Variants in NYAP1 observed in about 807,000 individuals in gnomAD.
NYAP1 encodes the protein neuronal tyrosine phosphorylated phosphoinositide-3-kinase adaptor 1.
NYAP1 carries 20 observed loss-of-function variants against 58.6 expected under a neutral mutation model. The ratio of observed to expected loss-of-function variants is 0.34; its 90% confidence interval spans 0.24 to 0.50. NYAP1 has a LOEUF of 0.50. NYAP1 is among the 20% of genes least tolerant of loss of function. The probability of loss-of-function intolerance (pLI) is 0.98; values close to 1 mark genes in which losing one functional copy is unlikely to be tolerated. For missense variants in NYAP1, 1,150 were observed against 1,194.5 expected (o/e 0.96, Z 0.55); for synonymous variants, 572 against 523.1 (o/e 1.09, Z -1.27).
chr7:100,490,851 C>A lies in NYAP1; in HGVS notation c.2158+122C>A. On this transcript the variant is annotated intron_variant, in intron 5 of 6. Coordinates refer to ENST00000300179, the MANE Select transcript of NYAP1 (RefSeq NM_173564.4). The surrounding 1 kb of genome is among the most constrained non-coding windows in gnomAD (Gnocchi z 4.6). Reference sequence around the variant, plus strand: ...GTCTGTGCCCAGGGCCCTAAATCCTCATACCACATCTCCACCCCTTTTTCC... The same window carrying A: ...GTCTGTGCCCAGGGCCCTAAATCCTAATACCACATCTCCACCCCTTTTTCC... 9.2e-7 allele frequency: 1 copy of A among 1,088,672 alleles called. No individual in the cohort carries two copies. Among genetic ancestry groups the A allele is most frequent in the Non-Finnish European group, 1.3e-6 (1 of 765,236 alleles). The allele number at this position is 1,088,672 out of a possible 1,614,324, so 67.4% of individuals were successfully genotyped here.
Position 100,489,493 on chromosome 7 carries a change from A to T in NYAP1, c.1772A>T (p.Gln591Leu). The T allele has an allele frequency of 6.2e-7, 1 of 1,613,348 alleles. No homozygotes were observed. The highest frequency in any genetic ancestry group is 8.5e-7 in the Non-Finnish European group (1 of 1,179,966). The change falls in exon 4 of 7, where the codon CAG (glutamine) becomes CTG (leucine). Residue 591 changes from glutamine (Q) to leucine (L), a missense_variant. Coordinates refer to ENST00000300179, the MANE Select transcript of NYAP1 (RefSeq NM_173564.4). ...APSPMVKIQL[Q>L]EQGTDGGAFA... ...TCCCCCATGGTCAAGATCCAGCTGCAGGAGCAAGGGACCGATGGGGGTGCT... is the reference window on the plus strand; with the variant it reads ...TCCCCCATGGTCAAGATCCAGCTGCTGGAGCAAGGGACCGATGGGGGTGCT...
chr7:100,487,029 A>T lies in NYAP1; in HGVS notation c.277A>T (p.Ser93Cys), dbSNP rs1449811766. The stretch of plus-strand genomic sequence containing the variant: ...CTGCCACTCGGTGGGCAGCATGGAC[A>T]GTGTCGGGGGTGGCCCTGGCGGGGC... Reference protein sequence around the residue: ...LSCHSVGSMDSVGGGPGGASG... With the variant: ...LSCHSVGSMDCVGGGPGGASG... The change falls in exon 3 of 7, where the codon AGT becomes TGT. Residue 93 changes from serine to cysteine, a missense_variant. Physicochemically the swap from Ser to Cys is moderately radical, Grantham distance 112. Coordinates refer to ENST00000300179, the MANE Select transcript of NYAP1 (RefSeq NM_173564.4). This position sits in a 1 kb window ranked among gnomAD's most constrained non-coding sequence, Gnocchi z 4.1. 2 of 1,607,910 alleles carry T rather than the reference A, an allele frequency of 1.2e-6. No individual in the cohort carries two copies. Among genetic ancestry groups the T allele is most frequent in the Non-Finnish European group, 1.7e-6 (2 of 1,177,156 alleles).
chr7:100,492,166 G>A lies in NYAP1; in HGVS notation c.2268+1071G>A, dbSNP rs1382859904. On this transcript the variant is annotated intron_variant, in intron 6 of 6. Transcript: ENST00000300179. ...AGGCAGGAGAATTGCTTGAACCCGGGAGACGGAGGCTGCAGTGAGCCAAGA... is the reference window on the plus strand; with the variant it reads ...AGGCAGGAGAATTGCTTGAACCCGGAAGACGGAGGCTGCAGTGAGCCAAGA... Among the ~76,000 whole-genome samples the A allele has an allele frequency of 2.6e-5, 4 of 152,016 alleles. No individual in the cohort carries two copies. The South Asian group carries it at 8.3e-4, about 31-fold the overall frequency.
chr7:100,491,292 A>G (rs370221215), intron 6 of NYAP1, among the ~76,000 whole-genome samples, 197 bp downstream of exon 6: 1 of 151,658 alleles, frequency 6.6e-6, no homozygotes, highest in African/African-American at 2.4e-5. Context: ...CCCTGTCTCT[A>G]TTTTTTCTTT....
intron 6 of NYAP1, among the ~76,000 whole-genome samples, chr7:100,492,477 A>G (rs1013094675): frequency 1.3e-5 from 2 of 152,218 alleles, no homozygotes; most frequent in African/African-American, 4.8e-5. Flanking sequence ...TGTGCCTGCA[A>G]TCCCAGAACT....
chr7:100,488,315 G>A lies in NYAP1; in HGVS notation c.594G>A (p.Arg198=), dbSNP rs1448675307. Residue 198 remains arginine, a synonymous_variant, in exon 4 of 7, where the codon AGG becomes AGA. Transcript: ENST00000300179. This position sits in a 1 kb window ranked among gnomAD's most constrained non-coding sequence, Gnocchi z 5.9. ...ACCTGCCTCTTCAGCGCCTCACTAG[G>A]GGGTCCCGAGTAGCTGGGGACCCTG... ...GGNLPLQRLT[R]GSRVAGDPDV... is the part of the protein sequence containing the mutation. 4 of 1,612,344 alleles carry A rather than the reference G, an allele frequency of 2.5e-6. No homozygotes were observed. The highest frequency in any genetic ancestry group is 3.4e-6 in the Non-Finnish European group (4 of 1,179,450).
chr7:100,494,040 C>A lies in NYAP1; in HGVS notation c.*137C>A. 1.3e-6 allele frequency: 1 copy of A among 755,764 alleles called. No individual in the cohort carries two copies. The highest frequency in any genetic ancestry group is 2.0e-6 in the Non-Finnish European group (1 of 507,796). 46.8% of individuals were successfully genotyped at this position (755,764 alleles called of 1,614,324 possible). On this transcript the variant is annotated 3_prime_UTR_variant, in exon 7 of 7. Transcript: ENST00000300179. Reference sequence around the variant, plus strand: ...GGAGAACCCCTGCCCTCCAACCTACCCCCCGGGATGGGGAGAGTCTGCCAG... The same window carrying A: ...GGAGAACCCCTGCCCTCCAACCTACACCCCGGGATGGGGAGAGTCTGCCAG...
rs2131065375 is a variant in NYAP1, at chr7:100,486,881, G to A, written c.129G>A (p.Gly43=). ...SAGPAAGQGP[G]VRVRDIASLR... ...GGCCCGCGGCCGGCCAGGGGCCTGGGGTCCGCGTGCGGGACATCGCCTCGC... is the reference window on the plus strand; with the variant it reads ...GGCCCGCGGCCGGCCAGGGGCCTGGAGTCCGCGTGCGGGACATCGCCTCGC... The change falls in exon 3 of 7, where the codon GGG becomes GGA. Residue 43 remains glycine, a synonymous_variant. Coordinates refer to ENST00000300179, the MANE Select transcript of NYAP1 (RefSeq NM_173564.4). This position sits in a 1 kb window ranked among gnomAD's most constrained non-coding sequence, Gnocchi z 6.2. 1 of 1,559,536 alleles carries A rather than the reference G, an allele frequency of 6.4e-7. No homozygotes were observed. The highest frequency in any genetic ancestry group is 1.2e-5 in the South Asian group (1 of 85,754).
chr7:100,491,093 C>G lies in NYAP1; in HGVS notation c.2266C>G (p.Gln756Glu). 1 of 1,541,460 alleles carries G rather than the reference C, an allele frequency of 6.5e-7. No individual in the cohort carries two copies. The highest frequency in any genetic ancestry group is 8.8e-7 in the Non-Finnish European group (1 of 1,137,670). Residue 756 changes from glutamine to glutamate, a missense_variant and splice_region_variant, in exon 6 of 7, where the codon CAG becomes GAG. Gln to Glu is a conservative substitution (Grantham distance 29, BLOSUM62 2). Transcript: ENST00000300179. ...PCSQPRDALS[Q>E]PHPALPLPLP... ...CAGCCAGCCCAGGGATGCCCTGAGC[C>G]AGGTGAGGCTTGGTTTTTCTTTTAT...
In NYAP1 at chr7:100,485,510, T is replaced by C; in HGVS notation, c.68+131T>C. The C allele has an allele frequency of 1.4e-6, 1 of 699,058 alleles. No homozygotes were observed. Among genetic ancestry groups the C allele is most frequent in the Non-Finnish European group, 2.5e-6 (1 of 399,846 alleles). 43.3% of individuals were successfully genotyped at this position (699,058 alleles called of 1,614,324 possible). A position where few individuals can be genotyped will look rare whatever the true frequency, so the allele number is the denominator to read the frequency against. ...CTCTGATCTCAGAGTCAGTACGGAA[T>C]GGCCAGGATTGCACACACTGTCCTG... On this transcript the variant is annotated intron_variant, in intron 2 of 6. Coordinates refer to ENST00000300179, the MANE Select transcript of NYAP1 (RefSeq NM_173564.4). This position sits in a 1 kb window ranked among gnomAD's most constrained non-coding sequence, Gnocchi z 5.7.
Position 100,489,495 on chromosome 7 carries a change from G to A in NYAP1, c.1774G>A (p.Glu592Lys), listed in dbSNP as rs745788793. 1 of 1,613,404 alleles carries A rather than the reference G, an allele frequency of 6.2e-7. No individual in the cohort carries two copies. Residue 592 changes from glutamate (E) to lysine (K), a missense_variant, in exon 4 of 7, where the codon GAG becomes AAG. Coordinates refer to ENST00000300179, the MANE Select transcript of NYAP1 (RefSeq NM_173564.4). ...CCCCATGGTCAAGATCCAGCTGCAGGAGCAAGGGACCGATGGGGGTGCTTT... is the reference window on the plus strand; with the variant it reads ...CCCCATGGTCAAGATCCAGCTGCAGAAGCAAGGGACCGATGGGGGTGCTTT... Reference protein sequence around the residue: ...PSPMVKIQLQEQGTDGGAFAS... With the variant: ...PSPMVKIQLQKQGTDGGAFAS...
Position 100,488,951 on chromosome 7 carries a change from G to A in NYAP1, c.1230G>A (p.Leu410=). ...GGGCCCGGAGCCACTCGACACCGTT[G>A]CCACCCCAGGGCTCTGGCCAGCCCC... ...SGRARSHSTP[L]PPQGSGQPRG... Residue 410 remains leucine, a synonymous_variant, in exon 4 of 7, where the codon TTG becomes TTA. Coordinates refer to ENST00000300179, the MANE Select transcript of NYAP1 (RefSeq NM_173564.4). The surrounding 1 kb of genome is among the most constrained non-coding windows in gnomAD (Gnocchi z 5.9). 1 of 1,571,120 alleles carries A rather than the reference G, an allele frequency of 6.4e-7. No homozygotes were observed. The highest frequency in any genetic ancestry group is 1.9e-5 in the Admixed American group (1 of 52,982).
rs1799742177 is a variant in NYAP1, at chr7:100,488,711, C to A, written c.990C>A (p.Leu330=). 3 of 1,611,680 alleles carry A rather than the reference C, an allele frequency of 1.9e-6. No individual in the cohort carries two copies. The highest frequency in any genetic ancestry group is 2.5e-6 in the Non-Finnish European group (3 of 1,179,312). Residue 330 remains leucine (L), a synonymous_variant, in exon 4 of 7, where the codon CTC becomes CTA. Coordinates refer to ENST00000300179, the MANE Select transcript of NYAP1 (RefSeq NM_173564.4). This position sits in a 1 kb window ranked among gnomAD's most constrained non-coding sequence, Gnocchi z 5.9. Reference sequence around the variant, plus strand: ...AAATCCCCCCGCCCTTCCCCAACCTCCTTCAGCACCGGCCTCCACTCCTGG... The same window carrying A: ...AAATCCCCCCGCCCTTCCCCAACCTACTTCAGCACCGGCCTCCACTCCTGG... ...PCEIPPPFPN[L]LQHRPPLLAF...
rs1323598723 is a variant in NYAP1 at position 100,494,666 on chromosome 7, G to A, written c.*763G>A. ...GGATGGGCAGGATGATGGGGGAGGA[G>A]GAGGGAAATTTTAGCGGGTGGAGGG... On this transcript the variant is annotated 3_prime_UTR_variant, in exon 7 of 7. Coordinates refer to ENST00000300179, the MANE Select transcript of NYAP1 (RefSeq NM_173564.4). 14 of 129,120 alleles carry A rather than the reference G, an allele frequency of 1.1e-4. No individual in the cohort carries two copies. Among genetic ancestry groups the A allele is most frequent in the Non-Finnish European group, 1.6e-5 (1 of 62,802 alleles). The allele number at this position is 129,120 out of a possible 1,614,324, so 8.0% of individuals were successfully genotyped here.
chr7:100,490,207 A>G lies in NYAP1; in HGVS notation c.1946-310A>G, dbSNP rs1329171088. On this transcript the variant is annotated intron_variant, in intron 4 of 6. Coordinates refer to ENST00000300179, the MANE Select transcript of NYAP1 (RefSeq NM_173564.4). This position sits in a 1 kb window ranked among gnomAD's most constrained non-coding sequence, Gnocchi z 4.6. ...CCAGGGGGATGGTCATTCTCGCCCT[A>G]TCTGGAGATGGAGGGGCTTGGAAGC... Among the ~76,000 whole-genome samples the G allele has an allele frequency of 2.6e-5, 4 of 152,104 alleles. No individual in the cohort carries two copies. The highest frequency in any genetic ancestry group is 7.2e-5 in the African/African-American group (3 of 41,484).
rs1241561761 is a variant in NYAP1 at position 100,485,564 on chromosome 7, T to G, written c.68+185T>G. 1.3e-5 allele frequency among the ~76,000 whole-genome samples: 2 copies of G among 151,366 alleles called. No individual in the cohort carries two copies. The highest frequency in any genetic ancestry group is 4.9e-5 in the African/African-American group (2 of 41,144). On this transcript the variant is annotated intron_variant, in intron 2 of 6. Coordinates refer to ENST00000300179, the MANE Select transcript of NYAP1 (RefSeq NM_173564.4). The surrounding 1 kb of genome is among the most constrained non-coding windows in gnomAD (Gnocchi z 5.7). The stretch of plus-strand genomic sequence containing the variant: ...CAACTCCTGCTCTCCTGTGGGGGGG[T>G]TTACAGCCTAGGAGCACCCCTTTGG...
At position 100,486,660 on chromosome 7, in the gene NYAP1, C is replaced by G. The variant is rs1187589569; in HGVS notation, c.69-161C>G. On this transcript the variant is annotated intron_variant, in intron 2 of 6. Transcript: ENST00000300179. This position sits in a 1 kb window ranked among gnomAD's most constrained non-coding sequence, Gnocchi z 6.2. ...AAAGCCCAAGATTCTGCCTGAAGCC[C>G]CTTCATTGGTGCCCTGGACCTTCTG... Among the ~76,000 whole-genome samples the G allele has an allele frequency of 6.6e-6, 1 of 152,158 alleles. No homozygotes were observed. The highest frequency in any genetic ancestry group is 1.5e-5 in the Non-Finnish European group (1 of 68,002).
In NYAP1 at chr7:100,488,978, G is replaced by C. The variant is rs1799748172; in HGVS notation, c.1257G>C (p.Arg419=). 1.9e-6 allele frequency: 3 copies of C among 1,575,652 alleles called. No individual in the cohort carries two copies. Among genetic ancestry groups the C allele is most frequent in the African/African-American group, 2.7e-5 (2 of 73,878 alleles). Residue 419 remains arginine, a synonymous_variant, in exon 4 of 7, where the codon CGG becomes CGC. Transcript: ENST00000300179. The surrounding 1 kb of genome is among the most constrained non-coding windows in gnomAD (Gnocchi z 5.9). The part of the protein sequence containing the change: ...PLPPQGSGQP[R]GERELPNSHS... ...CACCCCAGGGCTCTGGCCAGCCCCG[G>C]GGGGAGCGGGAGCTCCCCAACTCCC...
rs1799837432 is a variant in NYAP1, at chr7:100,494,098, T to G, written c.*195T>G. 1 of 519,550 alleles carries G rather than the reference T, an allele frequency of 1.9e-6. No homozygotes were observed. Among genetic ancestry groups the G allele is most frequent in the African/African-American group, 2.0e-5 (1 of 49,310 alleles). The allele number at this position is 519,550 out of a possible 1,614,324, so 32.2% of individuals were successfully genotyped here. A position where few individuals can be genotyped will look rare whatever the true frequency, so the allele number is the denominator to read the frequency against. ...GGGCTTAGGATGCCAACAGCGCTGC[T>G]GAGAAACGGAGGAGGAGGAGGGTTT... On this transcript the variant is annotated 3_prime_UTR_variant, in exon 7 of 7. Transcript: ENST00000300179.
Sources: gnomAD v4.1 joint callset for allele counts (sites outside exome capture counted in the v4.1 genomes callset) on GRCh38, gnomAD v4.1.1 for gene constraint, Gnocchi (gnomAD v3.1) non-coding constraint, MANE v1.5 for transcripts, NCBI Gene and HGNC (gene_info 2026-07-23, HGNC 2026-07-21) for gene names.